ASPH: variants seen among roughly 807,000 people sequenced by gnomAD.
ASPH encodes aspartate beta-hydroxylase.
ASPH carries 100 observed loss-of-function variants against 118.4 expected under a neutral mutation model. That is an observed-to-expected ratio of 0.84 (90% CI 0.72 to 1.00). The LOEUF (loss-of-function observed/expected upper bound fraction) is 1.00. Ranked by LOEUF, ASPH falls within the 50% of genes least tolerant of loss-of-function variation. ASPH has a pLI of 0.00. For synonymous variants in ASPH, 315 were observed against 325.6 expected, an observed-to-expected ratio of 0.97 and a Z score of 0.35; for missense variants, 920 against 919.5, an observed-to-expected ratio of 1.00 and a Z score of -0.01.
In ASPH at chr8:61,714,394, G is replaced by T; in HGVS notation, c.-23C>A. 1.4e-6 allele frequency: 2 copies of T among 1,479,212 alleles called. No individual in the cohort carries two copies. The allele number at this position is 1,479,212 out of a possible 1,614,324, so 91.6% of individuals were successfully genotyped here. On this transcript the variant is annotated 5_prime_UTR_variant, in exon 1 of 25. Coordinates refer to ENST00000379454, the MANE Select transcript of ASPH (RefSeq NM_004318.4). ...CATTGCACGGTCCGCGGGGGCTGGTGAGGGCTGGCGGACCTCCTTCAGTGC... is the reference window on the plus strand; with the variant it reads ...CATTGCACGGTCCGCGGGGGCTGGTTAGGGCTGGCGGACCTCCTTCAGTGC...
At chr8:61,543,982 G>A (rs746388361) in intron 21 of ASPH, among the ~76,000 whole-genome samples, 1 of 152,184 alleles carries the variant, frequency 6.6e-6, no homozygotes, top group Non-Finnish European at 1.5e-5. Context: ...TAACAACAAT[G>A]TCCTGAGAAT....
At chr8:61,571,102 C>T (rs1043087518) in intron 16 of ASPH, among the ~76,000 whole-genome samples, 1 of 152,120 alleles carries the variant, frequency 6.6e-6, no homozygotes, top group African/African-American at 2.4e-5. Flanking sequence ...TCCTATAAAA[C>T]CCATCTTCTG....
Position 61,595,176 on chromosome 8 carries a change from A to G in ASPH, c.977-11147T>C, listed in dbSNP as rs140631611. Among the ~76,000 whole-genome samples, 470 of 152,348 alleles carry G rather than the reference A, an allele frequency of 3.1e-3. 1 individual carries two copies. The highest frequency in any genetic ancestry group is 5.1e-3 in the Non-Finnish European group (347 of 68,022). ...GCTATAAGAATGAAAACCTGACATT[A>G]CAAAATTGATTAATCTTGCTTTATA... On this transcript the variant is annotated intron_variant, in intron 14 of 24. Transcript: ENST00000379454.
chr8:61,547,863 ACTC>A (rs1824495306), intron 21 of ASPH, among the ~76,000 whole-genome samples: 1 of 152,052 alleles, frequency 6.6e-6, no homozygotes, highest in Non-Finnish European at 1.5e-5. Context: ...AAGGTTGAGA[ACTC>A]CTAAGTTCCG....
At chr8:61,528,853 T>C (rs971046633) in intron 21 of ASPH, among the ~76,000 whole-genome samples, 12 of 152,196 alleles carry the variant, frequency 7.9e-5, no homozygotes, top group African/African-American at 2.9e-4. Flanking sequence ...GATGACAGAC[T>C]CGTGCTCAAA....
In ASPH at chr8:61,502,941, T is replaced by C. The variant is rs969521266; in HGVS notation, c.*418A>G. On this transcript the variant is annotated 3_prime_UTR_variant, in exon 25 of 25. Transcript: ENST00000379454. ...AAATAAACAAAAATGTAGTGGTACA[T>C]GATGACAAAATAGTCTAGCTACACT... 1.3e-5 allele frequency: 2 copies of C among 153,564 alleles called. No individual in the cohort carries two copies. Among genetic ancestry groups the C allele is most frequent in the Admixed American group, 6.5e-5 (1 of 15,322 alleles). 9.5% of individuals were successfully genotyped at this position (153,564 alleles called of 1,614,324 possible).
Position 61,714,459 on chromosome 8 carries a change from C to T in ASPH, c.-88G>A. On this transcript the variant is annotated 5_prime_UTR_variant, in exon 1 of 25. Coordinates refer to ENST00000379454, the MANE Select transcript of ASPH (RefSeq NM_004318.4). ...GCGACGCGGGAACCGCTGGCGGCGG[C>T]GGGCCGCTGGAGCGGGTTCGGGCCG... is the stretch of plus-strand genomic sequence containing the variant. 7.4e-7 allele frequency: 1 copy of T among 1,360,368 alleles called. No homozygotes were observed. Among genetic ancestry groups the T allele is most frequent in the Non-Finnish European group, 9.5e-7 (1 of 1,057,500 alleles). 84.3% of individuals were successfully genotyped at this position (1,360,368 alleles called of 1,614,324 possible). A position where few individuals can be genotyped will look rare whatever the true frequency, so the allele number is the denominator to read the frequency against.
intron 21 of ASPH, among the ~76,000 whole-genome samples, chr8:61,530,338 C>T (rs969628255): frequency 6.6e-6 from 1 of 152,208 alleles, no homozygotes; most frequent in Non-Finnish European, 1.5e-5. Flanking sequence ...AGGTTTGATT[C>T]TTTCTACGGC....
chr8:61,576,859 C>T lies in ASPH; in HGVS notation c.1063-1G>A, dbSNP rs749872854. 6.2e-7 allele frequency: 1 copy of T among 1,602,500 alleles called. No homozygotes were observed. The highest frequency in any genetic ancestry group is 8.5e-7 in the Non-Finnish European group (1 of 1,173,790). On this transcript the variant is annotated splice_acceptor_variant, in intron 15 of 24. Transcript: ENST00000379454. LOFTEE classifies it high-confidence loss of function. ...CATTCACTGCTTCCTCAATTTTTCC[C>T]TGTTAGAAAGACAAAATTACATAAA...
At chr8:61,632,982 C>A in intron 13 of ASPH, 1 of 170,128 alleles carries the variant, frequency 5.9e-6, no homozygotes, top group Non-Finnish European at 1.3e-5. Context: ...TAGGATTTTC[C>A]AAATCCTGTT....
chr8:61,643,272 A>G (rs1806162574), intron 9 of ASPH, 114 bp downstream of exon 9: 1 of 989,766 alleles, frequency 1.0e-6, no homozygotes, highest in African/African-American at 1.7e-5. Context: ...CATGCATTAG[A>G]TGTCGAAATT....
chr8:61,514,862 G>C (rs115376674), intron 24 of ASPH, among the ~76,000 whole-genome samples: 1 of 152,104 alleles, frequency 6.6e-6, no homozygotes, highest in African/African-American at 2.4e-5. Flanking sequence ...CACCTTGCCT[G>C]GTCCTAAGTG....
chr8:61,542,525 T>C (rs190479862), intron 21 of ASPH, among the ~76,000 whole-genome samples: 95 of 152,320 alleles, frequency 6.2e-4, no homozygotes, highest in Admixed American at 6.1e-3. Flanking sequence ...CCTTCCTCCT[T>C]TGCACTATTA....
intron 14 of ASPH, among the ~76,000 whole-genome samples, chr8:61,596,794 C>T (rs1842623346): frequency 1.3e-5 from 2 of 152,200 alleles, no homozygotes; most frequent in South Asian, 2.1e-4. Context: ...GACTGTTATA[C>T]CAAATGTGCA....
At chr8:61,578,461 A>G (rs534555675) in intron 15 of ASPH, 2 of 1,594,810 alleles carry the variant, frequency 1.3e-6, no homozygotes, top group South Asian at 2.2e-5. Flanking sequence ...CTGGAGGTGG[A>G]CCCCAACATC....
At chr8:61,657,759 T>C (rs1814520295) in intron 3 of ASPH, 1 of 152,202 alleles carries the variant, frequency 6.6e-6, no homozygotes, top group Admixed American at 6.5e-5. Context: ...AAGGATTTAC[T>C]TCTCCTAAGA....
intron 3 of ASPH, chr8:61,675,638 C>T: frequency 1.0e-6 from 1 of 980,326 alleles, no homozygotes; most frequent in Non-Finnish European, 1.2e-6. Flanking sequence ...AAGCATTTAA[C>T]TTAAAAATCA....
chr8:61,564,023 G>A (rs1200842466), intron 17 of ASPH, among the ~76,000 whole-genome samples: 1 of 152,168 alleles, frequency 6.6e-6, no homozygotes, highest in Non-Finnish European at 1.5e-5. Context: ...ACATTCAAAT[G>A]CTGATGGATT....
At chr8:61,587,140 T>C (rs1420237453) in intron 14 of ASPH, among the ~76,000 whole-genome samples, 2 of 152,232 alleles carry the variant, frequency 1.3e-5, no homozygotes, top group Admixed American at 1.3e-4. Flanking sequence ...TGATCTTCTA[T>C]TATATTTATT....
Sources: gnomAD v4.1 joint callset for allele counts (sites outside exome capture counted in the v4.1 genomes callset) on GRCh38, gnomAD v4.1.1 for gene constraint, MANE v1.5 for transcripts, NCBI Gene and HGNC (gene_info 2026-07-23, HGNC 2026-07-21) for gene names.